The following GPR161 variants were observed in gnomAD, a reference collection of about 807,000 sequenced individuals.
GPR161 encodes the protein G protein-coupled receptor 161.
Under a neutral mutation model 39.2 loss-of-function variants are expected in GPR161, and 25 were observed. The ratio of observed to expected loss-of-function variants is 0.64; its 90% CI spans 0.47 to 0.89. The LOEUF (loss-of-function observed/expected upper bound fraction) is 0.89. GPR161 is among the 40% of genes least tolerant of loss of function. The pLI is 0.00. For missense variants in GPR161, 547 were observed against 677.8 expected (o/e 0.81, Z 2.14); for synonymous variants, 286 against 276.6 (o/e 1.03, Z -0.34).
At chr1:168,088,564 G>T (rs566471223) in intron 4 of GPR161, 1 of 152,208 alleles carries the variant, frequency 6.6e-6, no homozygotes, top group South Asian at 2.1e-4. Context: ...ACAGACCTAG[G>T]ATCACTGGCA....
chr1:168,081,998 A>G lies in GPR161; in HGVS notation c.*3533T>C, dbSNP rs1290599699. Reference sequence around the variant, plus strand: ...CTAAGAGGCATATTGTCGGGATGGAAAATATTCAGGGAAATCTGAAGAGAC... The same window carrying G: ...CTAAGAGGCATATTGTCGGGATGGAGAATATTCAGGGAAATCTGAAGAGAC... On this transcript the variant is annotated 3_prime_UTR_variant, in exon 6 of 6. Transcript: ENST00000682931. 1.3e-5 allele frequency: 2 copies of G among 152,250 alleles called. No individual in the cohort carries two copies. The highest frequency in any genetic ancestry group is 2.9e-5 in the Non-Finnish European group (2 of 68,044). 9.4% of individuals were successfully genotyped at this position (152,250 alleles called of 1,614,324 possible). A position where few individuals can be genotyped will look rare whatever the true frequency, so the allele number is the denominator to read the frequency against.
At chr1:168,113,956 C>G (rs898096121) in intron 1 of GPR161, among the ~76,000 whole-genome samples, 2 of 152,134 alleles carry the variant, frequency 1.3e-5, no homozygotes, top group African/African-American at 4.8e-5. Context: ...CAAACCTGCA[C>G]ATGTACCACT....
At chr1:168,118,676 T>G (rs1342729221) in intron 1 of GPR161, 1 of 152,076 alleles carries the variant, frequency 6.6e-6, no homozygotes, top group Non-Finnish European at 1.5e-5. Context: ...AGGTGGCAGC[T>G]GCAGTGAGCC....
chr1:168,136,060 T>C (rs1166160903), intron 1 of GPR161: 3 of 1,250,584 alleles, frequency 2.4e-6, no homozygotes, highest in East Asian at 3.2e-5. Flanking sequence ...TGCACGGGGG[T>C]TAAGCTTGGC....
intron 1 of GPR161, among the ~76,000 whole-genome samples, chr1:168,116,624 C>G (rs181725339): frequency 6.6e-6 from 1 of 152,200 alleles, no homozygotes; most frequent in Non-Finnish European, 1.5e-5. Context: ...GGTGTCCACA[C>G]CTATGTGTAA....
At position 168,097,048 on chromosome 1, in the gene GPR161, C is replaced by T. The variant is rs1695620723; in HGVS notation, c.559G>A (p.Gly187Ser). 6.2e-7 allele frequency: 1 copy of T among 1,614,088 alleles called. No individual in the cohort carries two copies. Residue 187 changes from glycine (G) to serine (S), a missense_variant, in exon 3 of 6, where the codon GGC becomes AGC. By Grantham distance (56) the Gly-to-Ser change is moderately conservative. Coordinates refer to ENST00000682931, the MANE Select transcript of GPR161 (RefSeq NM_001375883.1). ...CAGATCTGCCAGAAGGCCGTGTAGC[C>T]AGGCTCCCGGTGCCAAGCAGCCACA... ...MCVAAWHREP[G>S]YTAFWQIWCA...
chr1:168,110,602 A>G (rs1424174311), intron 1 of GPR161, among the ~76,000 whole-genome samples: 1 of 150,034 alleles, frequency 6.7e-6, no homozygotes, highest in Non-Finnish European at 1.5e-5. Flanking sequence ...GAAAAGAGAC[A>G]ATAAAACCAA....
rs752574554 is a variant in GPR161, at chr1:168,090,621, G to A, written c.1147C>T (p.Pro383Ser). ...CCCGTGCTGCTGCTGTGCCCCAGGGGCTGTCCACCTGCCATGAGCGCAGTG... is the reference window on the plus strand; with the variant it reads ...CCCGTGCTGCTGCTGTGCCCCAGGGACTGTCCACCTGCCATGAGCGCAGTG... ...HLTALMAGGQ[P>S]LGHSSSTGDT... The change falls in exon 4 of 6, where the codon CCC becomes TCC. Residue 383 changes from proline to serine, a missense_variant. Pro to Ser is a moderately conservative substitution (Grantham distance 74). Coordinates refer to ENST00000682931, the MANE Select transcript of GPR161 (RefSeq NM_001375883.1). 6.2e-7 allele frequency: 1 copy of A among 1,611,546 alleles called. No homozygotes were observed. The highest frequency in any genetic ancestry group is 8.5e-7 in the Non-Finnish European group (1 of 1,178,614).
intron 2 of GPR161, 125 bp downstream of exon 2, chr1:168,104,352 C>A (rs1031861693): frequency 1.4e-5 from 10 of 714,470 alleles, no homozygotes; most frequent in Non-Finnish European, 2.4e-5. Context: ...AGAACTCCAC[C>A]TGGTCATCCT....
intron 2 of GPR161, among the ~76,000 whole-genome samples, chr1:168,101,096 T>C (rs879588651): frequency 7.4e-5 from 11 of 149,306 alleles, no homozygotes; most frequent in Non-Finnish European, 1.6e-4. Flanking sequence ...GGTTCATCTG[T>C]CCAGCCAGTT....
chr1:168,134,896 A>G, intron 1 of GPR161: 1 of 1,535,214 alleles, frequency 6.5e-7, no homozygotes, highest in Non-Finnish European at 8.7e-7. Context: ...TTTACACCAC[A>G]GAACTGTACC....
rs1409078015 is a variant in GPR161, at chr1:168,133,425, C to CTAAAT, written c.-45+3309_-45+3313dup. Among the ~76,000 whole-genome samples the CTAAAT allele has an allele frequency of 2.6e-5, 4 of 152,194 alleles. No homozygotes were observed. In the East Asian group the frequency reaches 5.8e-4, roughly 22 times the overall value. ...ACACAGATAAAGATACACAGAAAAT[C>CTAAAT]TAAATTAAATTGGAAGCCAATCTAT... is the stretch of plus-strand genomic sequence containing the variant. On this transcript the variant is annotated intron_variant, in intron 1 of 5. Transcript: ENST00000682931.
intron 1 of GPR161, among the ~76,000 whole-genome samples, chr1:168,108,855 T>C (rs1330942772): frequency 6.6e-6 from 1 of 152,216 alleles, no homozygotes; most frequent in African/African-American, 2.4e-5. Flanking sequence ...TGCAATTTTA[T>C]ACCTATTGGA....
At chr1:168,100,763 C>G (rs905947607) in intron 2 of GPR161, among the ~76,000 whole-genome samples, 2 of 152,256 alleles carry the variant, frequency 1.3e-5, no homozygotes, top group African/African-American at 2.4e-5. Flanking sequence ...TCCCATTGTT[C>G]TAGCTACTTT....
intron 1 of GPR161, among the ~76,000 whole-genome samples, chr1:168,119,965 G>C (rs1049207032): frequency 6.6e-6 from 1 of 152,228 alleles, no homozygotes; most frequent in African/African-American, 2.4e-5. Flanking sequence ...GAGCCCTCAT[G>C]AAGAAACTCT....
At chr1:168,096,133 C>CAAA (rs58096092) in intron 3 of GPR161, among the ~76,000 whole-genome samples, 14 of 44,770 alleles carry the variant, frequency 3.1e-4, no homozygotes, top group Admixed American at 6.1e-4. Flanking sequence ...GACCCTGTCT[C>CAAA]AAAAAAAAAA....
At chr1:168,134,324 G>C (rs959473955) in intron 1 of GPR161, among the ~76,000 whole-genome samples, 1 of 152,150 alleles carries the variant, frequency 6.6e-6, no homozygotes, top group African/African-American at 2.4e-5. Context: ...CCCCTGCTGA[G>C]CACATAAAAT....
At chr1:168,108,188 C>T (rs1696782368) in intron 1 of GPR161, among the ~76,000 whole-genome samples, 1 of 152,016 alleles carries the variant, frequency 6.6e-6, no homozygotes, top group Non-Finnish European at 1.5e-5. Flanking sequence ...AGGCTCTTTT[C>T]AACAACCCAT....
chr1:168,090,325 G>A (rs796694133), intron 4 of GPR161: 7 of 418,964 alleles, frequency 1.7e-5, no homozygotes, highest in East Asian at 3.7e-5. Flanking sequence ...TAATAACACC[G>A]TGCGGCAGAG....
Sources: allele counts gnomAD v4.1 joint callset (sites outside exome capture counted in the v4.1 genomes callset), GRCh38; gene constraint gnomAD v4.1.1; transcripts MANE v1.5; gene names NCBI Gene and HGNC (gene_info 2026-07-23, HGNC 2026-07-21).